SPINK5: variants seen among roughly 807,000 people sequenced by gnomAD.
SPINK5 encodes serine protease inhibitor Kazal-type 5.
In SPINK5, 125 loss-of-function variants were observed where a neutral mutation model predicts 151.8. That is an observed-to-expected ratio of 0.82 (90% CI 0.71 to 0.96). SPINK5 has a LOEUF of 0.96. Among genes scored for constraint, SPINK5 ranks in the 40% least tolerant of loss-of-function variants. The pLI is 0.00. For missense variants in SPINK5, 1,194 were observed against 1,291.9 expected, an observed-to-expected ratio of 0.92 and a Z score of 1.16; for synonymous variants, 374 against 395.3, an observed-to-expected ratio of 0.95 and a Z score of 0.64.
intron 29 of SPINK5, among the ~76,000 whole-genome samples, chr5:148,126,560 C>T (rs1754435374): frequency 6.7e-6 from 1 of 150,108 alleles, no homozygotes; most frequent in African/African-American, 2.5e-5. Context: ...TCTCAATGTT[C>T]TGTGATTCTG....
intron 4 of SPINK5, among the ~76,000 whole-genome samples, chr5:148,076,511 T>A (rs955716569): frequency 1.3e-5 from 2 of 151,794 alleles, no homozygotes; most frequent in Non-Finnish European, 2.9e-5. Flanking sequence ...TCCACGTTAG[T>A]GAGGTTAAAA....
At chr5:148,094,687 C>T (rs563631920) in intron 9 of SPINK5, among the ~76,000 whole-genome samples, 12 of 152,064 alleles carry the variant, frequency 7.9e-5, no homozygotes, top group African/African-American at 2.9e-4. Context: ...ATTCCATTTT[C>T]CAGTTGAAAT....
At position 148,108,806 on chromosome 5, in the gene SPINK5, A is replaced by T; in HGVS notation, c.1661A>T (p.Glu554Val). 1 of 1,612,338 alleles carries T rather than the reference A, an allele frequency of 6.2e-7. No homozygotes were observed. The highest frequency in any genetic ancestry group is 8.5e-7 in the Non-Finnish European group (1 of 1,178,762). The change falls in exon 18 of 33, where the codon GAG (glutamate) becomes GTG (valine). Residue 554 changes from glutamate (E) to valine (V), a missense_variant. Coordinates refer to ENST00000256084, the MANE Select transcript of SPINK5 (RefSeq NM_006846.4). ...KNDKEEKGKV[E>V]AEKVKREAVQ... ...GATAAAGAAGAAAAAGGGAAAGTCG[A>T]GGCTGAAAAAGTTAAGAGAGAAGCA...
chr5:148,112,188 T>C (rs558009737), intron 19 of SPINK5, among the ~76,000 whole-genome samples: 1 of 152,322 alleles, frequency 6.6e-6, no homozygotes, highest in African/African-American at 2.4e-5. Flanking sequence ...TCTGCAAGCA[T>C]AGGTCACTGT....
Position 148,107,025 on chromosome 5 carries a change from T to C in SPINK5, c.1480-12T>C, listed in dbSNP as rs754080356. 1 of 1,611,256 alleles carries C rather than the reference T, an allele frequency of 6.2e-7. No homozygotes were observed. Among genetic ancestry groups the C allele is most frequent in the South Asian group, 1.1e-5 (1 of 90,922 alleles). On this transcript the variant is annotated splice_polypyrimidine_tract_variant and intron_variant, in intron 16 of 32. Transcript: ENST00000256084. ...AAAACTACTCTGAGAAAATATTTTC[T>C]TCATTTCCCAGGAAATCTGCAGTGA...
intron 19 of SPINK5, among the ~76,000 whole-genome samples, 165 bp downstream of exon 19, chr5:148,112,060 TA>T: frequency 6.6e-6 from 1 of 152,292 alleles, no homozygotes; most frequent in African/African-American, 2.4e-5. Flanking sequence ...TCAGCCCATT[TA>T]TTTCTGGTGT....
chr5:148,116,440 AGTG>A lies in SPINK5; in HGVS notation c.2094_2096del (p.Gly701del), dbSNP rs111662216. 2,048 of 1,614,170 alleles carry A rather than the reference AGTG, an allele frequency of 1.3e-3. 27 individuals are homozygous for A. In the African/African-American group the frequency reaches 0.023, roughly 18 times the overall value. On this transcript the variant is annotated inframe_deletion, in exon 22 of 33. Coordinates refer to ENST00000256084, the MANE Select transcript of SPINK5 (RefSeq NM_006846.4). ...GAGAAATGCTGCAGGACATGGTTCCAGTGGTGGTGGAGGAGGAAACACTCAGGT... is the reference window on the plus strand; with the variant it reads ...GAGAAATGCTGCAGGACATGGTTCCAGTGGTGGAGGAGGAAACACTCAGGT...
chr5:148,099,356 A>G lies in SPINK5; in HGVS notation c.1092+41A>G, dbSNP rs1428697793. On this transcript the variant is annotated intron_variant, in intron 12 of 32. Transcript: ENST00000256084. ...CCAATAAATCCTATTTGGTGCTATA[A>G]TTTGAACAAATTTTAAGAGCCTAAA... 4 of 1,573,968 alleles carry G rather than the reference A, an allele frequency of 2.5e-6. No individual in the cohort carries two copies. In the Admixed American group the frequency reaches 6.8e-5, roughly 27 times the overall value.
chr5:148,106,605 A>T (rs1753788135), intron 16 of SPINK5, among the ~76,000 whole-genome samples: 1 of 152,026 alleles, frequency 6.6e-6, no homozygotes, highest in African/African-American at 2.4e-5. Flanking sequence ...AAAGTGTTGG[A>T]ATTACAGGTG....
At chr5:148,099,400 C>A in intron 12 of SPINK5, 85 bp downstream of exon 12, 1 of 1,066,880 alleles carries the variant, frequency 9.4e-7, no homozygotes, top group Non-Finnish European at 1.4e-6. Context: ...TTTTGCCCTG[C>A]AGAAATCCCC....
chr5:148,079,606 A>G (rs1752967567), intron 4 of SPINK5, among the ~76,000 whole-genome samples: 1 of 151,234 alleles, frequency 6.6e-6, no homozygotes, highest in Non-Finnish European at 1.5e-5. Flanking sequence ...GGGAACAGAA[A>G]ATCTATTAGT....
intron 13 of SPINK5, among the ~76,000 whole-genome samples, chr5:148,100,899 GA>G (rs1753624479): frequency 6.6e-6 from 1 of 152,310 alleles, no homozygotes; most frequent in Admixed American, 6.5e-5. Flanking sequence ...GAAAGGTCTG[GA>G]AGACAGGTTC....
intron 15 of SPINK5, among the ~76,000 whole-genome samples, chr5:148,102,345 A>C (rs748338180): frequency 1.3e-5 from 2 of 152,170 alleles, no homozygotes; most frequent in African/African-American, 2.4e-5. Flanking sequence ...ATAATAATGT[A>C]TCATATATTT....
intron 28 of SPINK5, chr5:148,125,403 A>G (rs151314522): frequency 4.6e-5 from 39 of 840,736 alleles, no homozygotes; most frequent in Non-Finnish European, 7.2e-5. Context: ...ATCCCTGAGC[A>G]ATTGTCCTTT....
intron 32 of SPINK5, 74 bp from the exon 33 acceptor site, chr5:148,136,909 G>A (rs1754707704): frequency 6.4e-7 from 1 of 1,563,406 alleles, no homozygotes; most frequent in African/African-American, 1.4e-5. Context: ...TTAAGATGCA[G>A]CTATAAATAT....
intron 4 of SPINK5, among the ~76,000 whole-genome samples, chr5:148,077,637 GTATATA>G (rs71001472): frequency 1.5e-5 from 2 of 135,066 alleles, no homozygotes; most frequent in East Asian, 2.2e-4. Flanking sequence ...GTTTTATCAG[GTATATA>G]TATATATATA....
At chr5:148,094,153 G>A (rs561503987) in intron 8 of SPINK5, among the ~76,000 whole-genome samples, 55 of 151,904 alleles carry the variant, frequency 3.6e-4, no homozygotes, top group African/African-American at 1.1e-3. Context: ...AAATTTAGCC[G>A]GGTGTGGTGG....
chr5:148,129,210 G>A (rs2113227994), intron 30 of SPINK5, among the ~76,000 whole-genome samples: 1 of 152,316 alleles, frequency 6.6e-6, no homozygotes, highest in Admixed American at 6.5e-5. Context: ...GGGAGGCCAT[G>A]TTATAAAGGG....
At chr5:148,134,354 G>A (rs752660517) in intron 32 of SPINK5, among the ~76,000 whole-genome samples, 9 of 152,084 alleles carry the variant, frequency 5.9e-5, no homozygotes, top group South Asian at 4.1e-4. Context: ...ATGTTTCAAC[G>A]TACGTTACTG....
Sources: gnomAD v4.1 joint callset for allele counts (sites outside exome capture counted in the v4.1 genomes callset) on GRCh38, gnomAD v4.1.1 for gene constraint, MANE v1.5 for transcripts, NCBI Gene and HGNC (gene_info 2026-07-23, HGNC 2026-07-21) for gene names.